Variants in UPRT observed in about 807,000 individuals in gnomAD.
UPRT encodes the protein RP11-311P8.3.
UPRT carries 5 observed loss-of-function variants against 22.6 expected under a neutral mutation model. The ratio of observed to expected loss-of-function variants is 0.22; its 90% CI spans 0.12 to 0.47. The LOEUF (loss-of-function observed/expected upper bound fraction) is 0.47, where lower values mean the gene tolerates loss of function less well. UPRT is among the 20% of genes least tolerant of loss of function. UPRT has a pLI of 0.99. For synonymous variants in UPRT, 77 were observed against 87.7 expected, an observed-to-expected ratio of 0.88 and a Z score of 0.68; for missense variants, 181 against 239.9, an observed-to-expected ratio of 0.75 and a Z score of 1.62.
intron 4 of UPRT, among the ~76,000 whole-genome samples, chrX:75,227,100 TC>T (rs910408122): frequency 2.5e-4 from 28 of 111,266 alleles, no homozygotes; most frequent in Admixed American, 2.3e-3. Flanking sequence ...CACTCCATCG[TC>T]CAGTCAAGTC....
intron 4 of UPRT, among the ~76,000 whole-genome samples, chrX:75,233,104 GC>G (rs1358402387): frequency 9.0e-6 from 1 of 111,726 alleles, no homozygotes; most frequent in Admixed American, 9.5e-5. Context: ...AGCTGATGGA[GC>G]TGAGAACCAA....
intron 4 of UPRT, among the ~76,000 whole-genome samples, chrX:75,223,357 C>G (rs1289716003): frequency 9.0e-6 from 1 of 110,899 alleles, no homozygotes; most frequent in Non-Finnish European, 1.9e-5. Flanking sequence ...GTTGGTGTCA[C>G]ACTAGGCCAT....
At chrX:75,280,910 A>G (rs1184096369) in intron 1 of UPRT, among the ~76,000 whole-genome samples, 2 of 111,361 alleles carry the variant, frequency 1.8e-5, no homozygotes. Flanking sequence ...TGAGCATGGG[A>G]TGTGTTTCCA....
At chrX:75,217,728 C>T (rs1055211296) in intron 4 of UPRT, among the ~76,000 whole-genome samples, 6 of 111,657 alleles carry the variant, frequency 5.4e-5, no homozygotes, top group South Asian at 3.8e-4. Flanking sequence ...TCAGAAATAA[C>T]GCCGCATATC....
At chrX:75,195,582 G>A (rs2082330494) in intron 4 of UPRT, among the ~76,000 whole-genome samples, 1 of 112,237 alleles carries the variant, frequency 8.9e-6, no homozygotes, top group Non-Finnish European at 1.9e-5. Context: ...AAGTGTCCAT[G>A]AAGGTCGTGG....
At chrX:75,236,826 G>C (rs2082467112) in intron 4 of UPRT, among the ~76,000 whole-genome samples, 1 of 112,202 alleles carries the variant, frequency 8.9e-6, no homozygotes, top group Admixed American at 9.4e-5. Flanking sequence ...TTAAACGTTT[G>C]ACCTAAAACC....
intron 4 of UPRT, among the ~76,000 whole-genome samples, chrX:75,182,704 T>G (rs924305268): frequency 6.2e-5 from 7 of 112,056 alleles, no homozygotes; most frequent in Non-Finnish European, 1.3e-4. Flanking sequence ...GTTCTCTTTT[T>G]CATTTCTGAT....
At chrX:75,287,670 T>C (rs1457271188) in intron 1 of UPRT, among the ~76,000 whole-genome samples, 2 of 111,423 alleles carry the variant, frequency 1.8e-5, no homozygotes, top group Non-Finnish European at 3.8e-5. Flanking sequence ...ATCTCTGAGA[T>C]GCAGCAAAAG....
chrX:75,222,193 C>T (rs2082412059), intron 4 of UPRT, among the ~76,000 whole-genome samples: 1 of 112,003 alleles, frequency 8.9e-6, no homozygotes, highest in African/African-American at 3.2e-5. Context: ...TGGAGTCTCT[C>T]CCCCTGTGCT....
chrX:75,261,729 A>G (rs1328760851), intron 4 of UPRT, among the ~76,000 whole-genome samples: 2 of 111,935 alleles, frequency 1.8e-5, no homozygotes, highest in African/African-American at 6.5e-5. Flanking sequence ...ACAAAAGAGA[A>G]TTTTAGCAAC....
intron 6 of UPRT, among the ~76,000 whole-genome samples, chrX:75,301,346 G>A (rs1467168246): frequency 8.9e-6 from 1 of 111,991 alleles, no homozygotes; most frequent in Non-Finnish European, 1.9e-5. Context: ...AATCTTTGCA[G>A]TGTGAAGTGA....
chrX:75,178,006 C>T (rs2082254313), intron 4 of UPRT, among the ~76,000 whole-genome samples: 1 of 112,309 alleles, frequency 8.9e-6, no homozygotes, highest in African/African-American at 3.2e-5. Flanking sequence ...GGGCGAGTCT[C>T]GCTTGGGCGA....
intron 4 of UPRT, among the ~76,000 whole-genome samples, chrX:75,252,101 T>C (rs1265991328): frequency 8.9e-6 from 1 of 112,002 alleles, no homozygotes; most frequent in Non-Finnish European, 1.9e-5. Context: ...CCTAAAACCA[T>C]AAAAATGCTA....
chrX:75,262,981 C>T (rs1246006379), intron 4 of UPRT, among the ~76,000 whole-genome samples: 1 of 111,365 alleles, frequency 9.0e-6, no homozygotes, highest in Non-Finnish European at 1.9e-5. Flanking sequence ...GAACCCTCCA[C>T]CCCAAATCAA....
At chrX:75,177,388 C>A (rs765484361) in intron 4 of UPRT, among the ~76,000 whole-genome samples, 1 of 111,682 alleles carries the variant, frequency 9.0e-6, no homozygotes, top group African/African-American at 3.3e-5. Context: ...TCCTTACCGA[C>A]GCATTCTTGA....
chrX:75,226,258 G>T (rs1016282085), intron 4 of UPRT, among the ~76,000 whole-genome samples: 2 of 111,353 alleles, frequency 1.8e-5, no homozygotes, highest in Admixed American at 1.9e-4. Context: ...GTGGATTATT[G>T]CAGTAGCTTC....
chrX:75,249,222 T>G (rs2082518866), intron 4 of UPRT, among the ~76,000 whole-genome samples: 1 of 111,583 alleles, frequency 9.0e-6, no homozygotes, highest in African/African-American at 3.3e-5. Flanking sequence ...TAACCTTAAA[T>G]GTAAATGGGC....
chrX:75,236,108 T>C (rs1314304642), intron 4 of UPRT, among the ~76,000 whole-genome samples: 1 of 111,401 alleles, frequency 9.0e-6, no homozygotes, highest in Non-Finnish European at 1.9e-5. Context: ...TGTCTCGGGA[T>C]ACAAAATCAA....
chrX:75,265,976 G>T (rs1477434113), intron 4 of UPRT, among the ~76,000 whole-genome samples: 2 of 111,209 alleles, frequency 1.8e-5, no homozygotes, highest in Non-Finnish European at 3.8e-5. Context: ...CATGCTCATG[G>T]GTAGGAAGAA....
Sources: gnomAD v4.1 joint callset for allele counts (sites outside exome capture counted in the v4.1 genomes callset) on GRCh38, gnomAD v4.1.1 for gene constraint, MANE v1.5 for transcripts, NCBI Gene and HGNC (gene_info 2026-07-23, HGNC 2026-07-21) for gene names.